NAV3: variants seen among roughly 807,000 people sequenced by gnomAD.
NAV3 encodes the protein pore membrane and/or filament interacting like protein 1.
In NAV3, 87 loss-of-function variants were observed where a neutral mutation model predicts 244.7. That is an observed-to-expected ratio of 0.36 (90% CI 0.30 to 0.42). The LOEUF (loss-of-function observed/expected upper bound fraction) is 0.42. Among genes scored for constraint, NAV3 ranks in the 20% least tolerant of loss-of-function variants. NAV3 has a pLI of 1.00. For missense variants in NAV3, 2,663 were observed against 2,893.3 expected, an observed-to-expected ratio of 0.92 and a Z score of 1.83; for synonymous variants, 1,126 against 1,042.2, an observed-to-expected ratio of 1.08 and a Z score of -1.55.
In NAV3 at chr12:77,994,867, A is replaced by T; in HGVS notation, c.736A>T (p.Thr246Ser). The T allele has an allele frequency of 6.2e-7, 1 of 1,604,676 alleles. No homozygotes were observed. The highest frequency in any genetic ancestry group is 1.1e-5 in the South Asian group (1 of 90,180). The change falls in exon 6 of 40, where the codon ACT becomes TCT. Residue 246 changes from threonine to serine, a missense_variant. Around this residue, in one of 6 missense-constraint regions of NAV3, gnomAD observed 1,521 missense variants for 1,497.0 expected, o/e 1.02. Transcript: ENST00000397909. ...SGIATSQKKP[T>S]RLPGPSRVPA... Reference sequence around the variant, plus strand: ...AATTGCAACCAGTCAAAAAAAGCCTACTAGGTCAGTTAATATTCTCTAATT... The same window carrying T: ...AATTGCAACCAGTCAAAAAAAGCCTTCTAGGTCAGTTAATATTCTCTAATT...
chr12:77,694,596 C>A (rs2137174438), intron 2 of NAV3, among the ~76,000 whole-genome samples: 1 of 152,246 alleles, frequency 6.6e-6, no homozygotes, highest in Middle Eastern at 3.4e-3. Context: ...TACTACCAAT[C>A]TACACTTAAC....
In NAV3 at chr12:77,655,333, A is replaced by G. The variant is rs370567095; in HGVS notation, c.72+83067A>G. Among the ~76,000 whole-genome samples, 41 of 152,344 alleles carry G rather than the reference A, an allele frequency of 2.7e-4. No homozygotes were observed. In the South Asian group the frequency reaches 7.5e-3, roughly 28 times the overall value. ...TGCAGAAGCCTTAGGAGCCGATGCA[A>G]TCAACTGGAAGAAAGGGTATCAGTG... On this transcript the variant is annotated intron_variant, in intron 2 of 8. Transcript: ENST00000550042.
chr12:77,845,906 A>G (rs896209837), intron 1 of NAV3, among the ~76,000 whole-genome samples: 7 of 151,758 alleles, frequency 4.6e-5, no homozygotes, highest in Non-Finnish European at 7.4e-5. Context: ...GCCCACCTCA[A>G]CCTCCCAAAG....
intron 5 of NAV3, among the ~76,000 whole-genome samples, chr12:77,977,237 T>G: frequency 6.6e-6 from 1 of 152,164 alleles, no homozygotes; most frequent in East Asian, 1.9e-4. Flanking sequence ...CTATGATAAC[T>G]TGATTGGAAT....
intron 2 of NAV3, among the ~76,000 whole-genome samples, chr12:77,796,198 T>A (rs1209944119): frequency 1.3e-5 from 2 of 152,146 alleles, no homozygotes; most frequent in African/African-American, 4.8e-5. Flanking sequence ...ACATTTATGA[T>A]TCATGGGAGG....
At chr12:77,864,615 C>A (rs145200259) in intron 1 of NAV3, among the ~76,000 whole-genome samples, 1 of 151,958 alleles carries the variant, frequency 6.6e-6, no homozygotes, top group Non-Finnish European at 1.5e-5. Flanking sequence ...GGAATATATT[C>A]CAATAAAGTC....
rs1346560675 is a variant in NAV3, at chr12:78,210,386, T to G, written c.7039-12T>G. ...ATCATTGCCTACATCGATGTCTTTT[T>G]TCTTTCTTCAGATGAATATGCTAAT... On this transcript the variant is annotated splice_polypyrimidine_tract_variant and intron_variant, in intron 39 of 39. Transcript: ENST00000397909. 1 of 1,613,294 alleles carries G rather than the reference T, an allele frequency of 6.2e-7. No individual in the cohort carries two copies. The highest frequency in any genetic ancestry group is 2.2e-5 in the East Asian group (1 of 44,852).
At chr12:77,712,879 C>T (rs1044356888) in intron 2 of NAV3, among the ~76,000 whole-genome samples, 4 of 152,144 alleles carry the variant, frequency 2.6e-5, no homozygotes, top group Non-Finnish European at 4.4e-5. Flanking sequence ...CATATGCTCA[C>T]ATTTTACAGA....
intron 2 of NAV3, among the ~76,000 whole-genome samples, chr12:77,737,921 T>C (rs1877403382): frequency 6.6e-6 from 1 of 152,158 alleles, no homozygotes; most frequent in African/African-American, 2.4e-5. Context: ...GGTGACAAAT[T>C]TACCATTTTT....
chr12:78,141,755 TA>T (rs1350092467), intron 20 of NAV3, among the ~76,000 whole-genome samples: 2 of 152,142 alleles, frequency 1.3e-5, no homozygotes, highest in Non-Finnish European at 2.9e-5. Flanking sequence ...GAGGAATGTG[TA>T]AACACACATG....
At chr12:77,629,866 G>A (rs1052834033) in intron 2 of NAV3, among the ~76,000 whole-genome samples, 5 of 152,092 alleles carry the variant, frequency 3.3e-5, no homozygotes, top group African/African-American at 7.2e-5. Flanking sequence ...GAGAAGATAG[G>A]TTGGACGAAT....
intron 3 of NAV3, among the ~76,000 whole-genome samples, chr12:77,945,179 G>C (rs534253246): frequency 6.6e-6 from 1 of 152,048 alleles, no homozygotes; most frequent in East Asian, 1.9e-4. Flanking sequence ...TTTTTGCAAG[G>C]GGGGAAGAAA....
chr12:78,152,646 G>A (rs915547389), intron 22 of NAV3, among the ~76,000 whole-genome samples: 2 of 151,788 alleles, frequency 1.3e-5, no homozygotes, highest in Non-Finnish European at 2.9e-5. Flanking sequence ...CATTCAGAAT[G>A]TTTCATTTCA....
At chr12:77,785,374 C>T (rs972033737) in intron 2 of NAV3, among the ~76,000 whole-genome samples, 1 of 152,042 alleles carries the variant, frequency 6.6e-6, no homozygotes, top group Non-Finnish European at 1.5e-5. Flanking sequence ...TGACAATGTA[C>T]AGTGCCAGGA....
At chr12:77,967,886 G>A (rs1173038858) in intron 4 of NAV3, among the ~76,000 whole-genome samples, 1 of 151,846 alleles carries the variant, frequency 6.6e-6, no homozygotes, top group African/African-American at 2.4e-5. Context: ...AAAAGAATTG[G>A]AACATTAAAA....
intron 2 of NAV3, among the ~76,000 whole-genome samples, chr12:77,688,200 T>C (rs1339567191): frequency 1.3e-5 from 2 of 151,972 alleles, no homozygotes; most frequent in Non-Finnish European, 2.9e-5. Context: ...AATTTAAAAT[T>C]TGTATCATAG....
chr12:77,829,015 G>T (rs2136055946), upstream of NAV3, among the ~76,000 whole-genome samples: 1 of 152,270 alleles, frequency 6.6e-6, no homozygotes, highest in African/African-American at 2.4e-5. Context: ...TATAACCTTG[G>T]GTGGGCAAAG....
At chr12:77,587,156 AT>A (rs1252097565) in intron 2 of NAV3, among the ~76,000 whole-genome samples, 8 of 152,186 alleles carry the variant, frequency 5.3e-5, no homozygotes, top group Admixed American at 1.3e-4. Flanking sequence ...ATAAATTATT[AT>A]CTATAATAAA....
intron 9 of NAV3, among the ~76,000 whole-genome samples, chr12:78,023,212 A>G (rs1877455348): frequency 6.6e-6 from 1 of 152,144 alleles, no homozygotes. Flanking sequence ...TTGAATTGCA[A>G]TTTTTTTGTG....
Sources: allele counts gnomAD v4.1 joint callset (sites outside exome capture counted in the v4.1 genomes callset), GRCh38; gene constraint gnomAD v4.1.1; regional missense constraint gnomAD v4.1.1; transcripts MANE v1.5; gene names NCBI Gene and HGNC (gene_info 2026-07-23, HGNC 2026-07-21).